The following RAB3B variants were observed in gnomAD, a reference collection of about 807,000 sequenced individuals.
RAB3B encodes the protein RAB3B, member RAS oncogene family.
Under a neutral mutation model 20.5 loss-of-function variants are expected in RAB3B, and 11 were observed. The observed-to-expected ratio is 0.54, with a 90% confidence interval of 0.34 to 0.89. RAB3B has a LOEUF of 0.89. RAB3B is among the 40% of genes least tolerant of loss of function. The probability of loss-of-function intolerance (pLI) is 0.02; values close to 1 mark genes in which losing one functional copy is unlikely to be tolerated. For synonymous variants in RAB3B, 99 were observed against 106.3 expected (o/e 0.93, Z 0.42); for missense variants, 225 against 280.9 (o/e 0.80, Z 1.42).
chr1:51,980,111 C>T (rs1042248980), intron 1 of RAB3B, among the ~76,000 whole-genome samples: 1 of 151,968 alleles, frequency 6.6e-6, no homozygotes, highest in Non-Finnish European at 1.5e-5. Context: ...ACTGTATTTC[C>T]TCCAATATTT....
intron 1 of RAB3B, among the ~76,000 whole-genome samples, chr1:51,981,026 T>A (rs993214340): frequency 1.2e-4 from 19 of 152,050 alleles, no homozygotes; most frequent in Admixed American, 2.0e-4. Flanking sequence ...TATTATTATT[T>A]TTATTTTATT....
chr1:51,977,034 A>C lies in RAB3B; in HGVS notation c.84T>G (p.Ile28Met), dbSNP rs1306511568. The C allele has an allele frequency of 6.2e-7, 1 of 1,614,094 alleles. No individual in the cohort carries two copies. The highest frequency in any genetic ancestry group is 8.5e-7 in the Non-Finnish European group (1 of 1,180,042). ...AGGTCTTGCCAACACTGCTGTTGCC[A>C]ATGATAAGCAGTTTAAACATGTAGT... ...NFDYMFKLLI[I>M]GNSSVGKTSF... The change falls in exon 2 of 5, where the codon ATT becomes ATG. Residue 28 changes from isoleucine to methionine, a missense_variant. Coordinates refer to ENST00000371655, the MANE Select transcript of RAB3B (RefSeq NM_002867.4).
rs547440932 is a variant in RAB3B at position 51,981,884 on chromosome 1, C to T, written c.1-4767G>A. Among the ~76,000 whole-genome samples the T allele has an allele frequency of 3.9e-5, 6 of 152,250 alleles. No individual in the cohort carries two copies. The East Asian group carries it at 7.7e-4, about 20-fold the overall frequency. ...AAAGTATAGCACATATGATTATGTG[C>T]TATACATAATACTTGATATTGATAA... On this transcript the variant is annotated intron_variant, in intron 1 of 4. Coordinates refer to ENST00000371655, the MANE Select transcript of RAB3B (RefSeq NM_002867.4).
At position 51,977,024 on chromosome 1, in the gene RAB3B, T is replaced by C. The variant is rs1685019734; in HGVS notation, c.94A>G (p.Ser32Gly). The change falls in exon 2 of 5, where the codon AGT (serine) becomes GGT (glycine). Residue 32 changes from serine to glycine, a missense_variant. By Grantham distance (56) the Ser-to-Gly change is moderately conservative. Coordinates refer to ENST00000371655, the MANE Select transcript of RAB3B (RefSeq NM_002867.4). ...MFKLLIIGNS[S>G]VGKTSFLFRY... Reference sequence around the variant, plus strand: ...AAGAGGAAGGAGGTCTTGCCAACACTGCTGTTGCCAATGATAAGCAGTTTA... The same window carrying C: ...AAGAGGAAGGAGGTCTTGCCAACACCGCTGTTGCCAATGATAAGCAGTTTA... The C allele has an allele frequency of 6.2e-7, 1 of 1,614,082 alleles. No homozygotes were observed. Among genetic ancestry groups the C allele is most frequent in the Non-Finnish European group, 8.5e-7 (1 of 1,180,028 alleles).
At chr1:51,989,243 T>TGC (rs1460661045) in intron 1 of RAB3B, among the ~76,000 whole-genome samples, 1 of 150,524 alleles carries the variant, frequency 6.6e-6, no homozygotes, top group East Asian at 2.0e-4. Flanking sequence ...TGTGTGTGTG[T>TGC]GTGTGTGTGT....
At chr1:51,940,916 C>T (rs542150750) in intron 2 of RAB3B, among the ~76,000 whole-genome samples, 1 of 152,098 alleles carries the variant, frequency 6.6e-6, no homozygotes, top group South Asian at 2.1e-4. Flanking sequence ...TGTATTGGCT[C>T]TTAAAACTTC....
At chr1:51,960,792 C>A (rs1452393486) in intron 2 of RAB3B, among the ~76,000 whole-genome samples, 1 of 152,180 alleles carries the variant, frequency 6.6e-6, no homozygotes, top group Non-Finnish European at 1.5e-5. Context: ...CTTGTAAGTC[C>A]TGTGGCTCGC....
chr1:51,931,382 C>T (rs1291603267), intron 4 of RAB3B, among the ~76,000 whole-genome samples: 2 of 152,170 alleles, frequency 1.3e-5, no homozygotes, highest in Non-Finnish European at 2.9e-5. Context: ...ACAGCCCTGA[C>T]CAATTGGACT....
At position 51,920,032 on chromosome 1, in the gene RAB3B, G is replaced by T. The variant is rs1206142547; in HGVS notation, c.555C>A (p.Asp185Glu). The T allele has an allele frequency of 6.2e-7, 1 of 1,614,036 alleles. No individual in the cohort carries two copies. The highest frequency in any genetic ancestry group is 1.3e-5 in the African/African-American group (1 of 74,908). The change falls in exon 5 of 5, where the codon GAC becomes GAA. Residue 185 changes from aspartate to glutamate, a missense_variant. Coordinates refer to ENST00000371655, the MANE Select transcript of RAB3B (RefSeq NM_002867.4). Reference sequence around the variant, plus strand: ...CTGTGTCCAGCGAATCAGACATCTTGTCACAAATGGCATCCACCAGGCGCT... The same window carrying T: ...CTGTGTCCAGCGAATCAGACATCTTTTCACAAATGGCATCCACCAGGCGCT... ...AFERLVDAIC[D>E]KMSDSLDTDP...
intron 4 of RAB3B, among the ~76,000 whole-genome samples, chr1:51,929,684 C>T (rs35219272): frequency 0.047 from 7,171 of 152,234 alleles, 194 homozygotes; most frequent in Middle Eastern, 0.075. Context: ...AGAGTCCTAA[C>T]TCAAGTAGAA....
At chr1:51,984,204 C>CAGTG (rs1685123379) in intron 1 of RAB3B, among the ~76,000 whole-genome samples, 1 of 115,994 alleles carries the variant, frequency 8.6e-6, no homozygotes, top group South Asian at 3.1e-4. Flanking sequence ...GCGGAGGTTA[C>CAGTG]AGTGAGCGGA....
intron 2 of RAB3B, among the ~76,000 whole-genome samples, chr1:51,940,013 G>T (rs113703814): frequency 1.3e-5 from 2 of 152,170 alleles, no homozygotes; most frequent in Non-Finnish European, 2.9e-5. Context: ...AATAATTTCA[G>T]TATGCCACTA....
chr1:51,952,323 C>T (rs1684651971), intron 2 of RAB3B, among the ~76,000 whole-genome samples: 1 of 152,080 alleles, frequency 6.6e-6, no homozygotes, highest in African/African-American at 2.4e-5. Context: ...ACACAAAGCC[C>T]TCAAATACTC....
chr1:51,926,125 T>C (rs1226998223), intron 4 of RAB3B, among the ~76,000 whole-genome samples: 2 of 151,916 alleles, frequency 1.3e-5, no homozygotes, highest in African/African-American at 2.4e-5. Context: ...TCAGAAGGGG[T>C]TGCAGGAAAA....
intron 2 of RAB3B, among the ~76,000 whole-genome samples, chr1:51,968,968 C>T (rs780107079): frequency 3.3e-5 from 5 of 152,166 alleles, no homozygotes; most frequent in Non-Finnish European, 7.4e-5. Flanking sequence ...CTTTGGAACC[C>T]ATGGTCACTC....
In RAB3B at chr1:51,916,880, G is replaced by A. The variant is rs1684093275; in HGVS notation, c.*3047C>T. 6.6e-6 allele frequency: 1 copy of A among 152,190 alleles called. No homozygotes were observed. The allele number at this position is 152,190 out of a possible 1,614,324, so 9.4% of individuals were successfully genotyped here. A position where few individuals can be genotyped will look rare whatever the true frequency, so the allele number is the denominator to read the frequency against. On this transcript the variant is annotated 3_prime_UTR_variant, in exon 5 of 5. Transcript: ENST00000371655. ...TAGAGATATACATCTTTTCTCCAGTGGACTTGGAATCTGATGGCCCTGGAA... is the reference window on the plus strand; with the variant it reads ...TAGAGATATACATCTTTTCTCCAGTAGACTTGGAATCTGATGGCCCTGGAA...
At chr1:51,936,155 T>G (rs1353152562) in intron 3 of RAB3B, among the ~76,000 whole-genome samples, 1 of 152,178 alleles carries the variant, frequency 6.6e-6, no homozygotes, top group East Asian at 1.9e-4. Context: ...CTGCTCAGCC[T>G]CTCCGATTCT....
intron 2 of RAB3B, among the ~76,000 whole-genome samples, chr1:51,965,499 T>C (rs1018822715): frequency 6.6e-6 from 1 of 151,766 alleles, no homozygotes; most frequent in Admixed American, 6.6e-5. Context: ...GTACAAAAAT[T>C]AGCCGGGTGC....
rs1557958092 is a variant in RAB3B, at chr1:51,912,594, T to TATATAC, written c.*7332_*7333insGTATAT. ...ATATATATATATATATATATATATA[T>TATATAC]ATATATAAAAAATGTTACTCCTGTG... On this transcript the variant is annotated 3_prime_UTR_variant, in exon 5 of 5. Transcript: ENST00000371655. 1.7e-4 allele frequency: 6 copies of TATATAC among 35,280 alleles called. 1 individual carries two copies. Among genetic ancestry groups the TATATAC allele is most frequent in the African/African-American group, 6.0e-4 (6 of 9,994 alleles). The allele number at this position is 35,280 out of a possible 1,614,324, so 2.2% of individuals were successfully genotyped here. A position where few individuals can be genotyped will look rare whatever the true frequency, so the allele number is the denominator to read the frequency against.
Sources: gnomAD v4.1 joint callset for allele counts (sites outside exome capture counted in the v4.1 genomes callset) on GRCh38, gnomAD v4.1.1 for gene constraint, MANE v1.5 for transcripts, NCBI Gene and HGNC (gene_info 2026-07-23, HGNC 2026-07-21) for gene names.